Variants in ZBTB40 observed in about 807,000 individuals in gnomAD.
ZBTB40 encodes zinc finger and BTB domain-containing protein 40.
In ZBTB40, 60 loss-of-function variants were observed where a neutral mutation model predicts 117.5. The observed-to-expected ratio is 0.51, with a 90% CI of 0.41 to 0.63. ZBTB40 has a LOEUF of 0.63. Ranked by LOEUF, ZBTB40 falls within the 30% of genes least tolerant of loss-of-function variation. The probability of loss-of-function intolerance (pLI) is 0.00; values close to 1 mark genes in which losing one functional copy is unlikely to be tolerated. For synonymous variants in ZBTB40, 525 were observed against 577.1 expected, an observed-to-expected ratio of 0.91 and a Z score of 1.29; for missense variants, 1,287 against 1,498.5, an observed-to-expected ratio of 0.86 and a Z score of 2.33.
At chr1:22,491,750 C>A (rs750387394) in intron 3 of ZBTB40, among the ~76,000 whole-genome samples, 2 of 151,678 alleles carry the variant, frequency 1.3e-5, no homozygotes, top group Non-Finnish European at 2.9e-5. Context: ...CCAGGAGAAT[C>A]CTAGCTTCTA....
intron 1 of ZBTB40, among the ~76,000 whole-genome samples, chr1:22,439,379 T>C (rs964148507): frequency 1.3e-5 from 2 of 152,246 alleles, no homozygotes; most frequent in South Asian, 2.1e-4. Flanking sequence ...TCTTTTATTG[T>C]CTGTGCCTTT....
In ZBTB40 at chr1:22,524,134, C is replaced by T. The variant is rs1433034448; in HGVS notation, c.3299-84C>T. 7.5e-6 allele frequency: 10 copies of T among 1,335,018 alleles called. No homozygotes were observed. In the East Asian group the frequency reaches 1.9e-4, roughly 26 times the overall value. 82.7% of individuals were successfully genotyped at this position (1,335,018 alleles called of 1,614,324 possible). A position where few individuals can be genotyped will look rare whatever the true frequency, so the allele number is the denominator to read the frequency against. On this transcript the variant is annotated intron_variant, in intron 16 of 17. Transcript: ENST00000375647. Reference sequence around the variant, plus strand: ...GCCTCGATCCTCATTGCTCTTTCCTCTCATGTCTTCCTGCCCTCATTTCTC... The same window carrying T: ...GCCTCGATCCTCATTGCTCTTTCCTTTCATGTCTTCCTGCCCTCATTTCTC...
At chr1:22,522,268 T>C in intron 15 of ZBTB40, 109 bp from the exon 16 acceptor site, 3 of 997,172 alleles carry the variant, frequency 3.0e-6, no homozygotes, top group Non-Finnish European at 4.8e-6. Flanking sequence ...ACTTGGTAGA[T>C]GCTTGCTAAG....
intron 1 of ZBTB40, among the ~76,000 whole-genome samples, chr1:22,465,814 A>G (rs951885898): frequency 1.3e-5 from 2 of 152,136 alleles, no homozygotes; most frequent in African/African-American, 4.8e-5. Flanking sequence ...TGGCTCCCCA[A>G]GAACACAAGG....
At chr1:22,473,438 T>C (rs1641461488) in intron 1 of ZBTB40, among the ~76,000 whole-genome samples, 1 of 152,222 alleles carries the variant, frequency 6.6e-6, no homozygotes, top group Non-Finnish European at 1.5e-5. Flanking sequence ...GGTTTAACTG[T>C]CTTGCTGGCT....
chr1:22,506,439 G>A (rs1483781479), intron 6 of ZBTB40, among the ~76,000 whole-genome samples, 198 bp downstream of exon 6: 4 of 152,154 alleles, frequency 2.6e-5, no homozygotes, highest in East Asian at 1.9e-4. Context: ...GACTCTTCTC[G>A]GTTAAGCTCC....
intron 1 of ZBTB40, among the ~76,000 whole-genome samples, chr1:22,455,548 C>T (rs1012057525): frequency 6.6e-6 from 1 of 152,182 alleles, no homozygotes; most frequent in Non-Finnish European, 1.5e-5. Flanking sequence ...TGTTAAACAA[C>T]AAGCCCTGAA....
chr1:22,496,972 C>T (rs1469571273), intron 3 of ZBTB40, among the ~76,000 whole-genome samples: 1 of 152,150 alleles, frequency 6.6e-6, no homozygotes, highest in Non-Finnish European at 1.5e-5. Flanking sequence ...AGTCTTTTGC[C>T]AAAGGCCGGA....
intron 1 of ZBTB40, among the ~76,000 whole-genome samples, chr1:22,469,246 T>C (rs1641340673): frequency 6.6e-6 from 1 of 152,282 alleles, no homozygotes; most frequent in Non-Finnish European, 1.5e-5. Flanking sequence ...TGATCATTTG[T>C]GAATTTCTTC....
intron 12 of ZBTB40, among the ~76,000 whole-genome samples, chr1:22,516,066 G>C (rs1639365932): frequency 6.6e-6 from 1 of 152,194 alleles, no homozygotes; most frequent in African/African-American, 2.4e-5. Context: ...TGGATTAGAT[G>C]TGGGATGTGA....
chr1:22,476,857 A>G (rs939871152), intron 1 of ZBTB40, among the ~76,000 whole-genome samples: 6 of 152,126 alleles, frequency 3.9e-5, no homozygotes, highest in African/African-American at 1.4e-4. Context: ...TAATAACATA[A>G]TTTAGGTTCC....
At chr1:22,449,354 G>A (rs950904722), upstream of ZBTB40, among the ~76,000 whole-genome samples, 5 of 152,160 alleles carry the variant, frequency 3.3e-5, no homozygotes, top group African/African-American at 4.8e-5. Flanking sequence ...TTATTTCTCC[G>A]CAGCTGTCGA....
intron 1 of ZBTB40, among the ~76,000 whole-genome samples, chr1:22,488,342 G>A (rs1005184953): frequency 4.3e-5 from 6 of 138,756 alleles, no homozygotes; most frequent in Non-Finnish European, 6.7e-5. Context: ...GTCAGTAGGC[G>A]ATAAGTGCTA....
chr1:22,433,442 A>AACAAAAACAAAAAC (rs1557469777), intron 1 of ZBTB40, among the ~76,000 whole-genome samples: 1 of 139,822 alleles, frequency 7.2e-6, no homozygotes, highest in African/African-American at 2.5e-5. Flanking sequence ...CAAAAAAAAA[A>AACAAAAACAAAAAC]AAAAAAAAAA....
At chr1:22,437,311 G>A (rs1640681713) in intron 1 of ZBTB40, among the ~76,000 whole-genome samples, 1 of 152,044 alleles carries the variant, frequency 6.6e-6, no homozygotes, top group African/African-American at 2.4e-5. Flanking sequence ...GGCTCATTGT[G>A]GACAAGTTTG....
At chr1:22,485,209 G>A in intron 1 of ZBTB40, among the ~76,000 whole-genome samples, 1 of 152,168 alleles carries the variant, frequency 6.6e-6, no homozygotes, top group East Asian at 1.9e-4. Context: ...GGAAGAGTTT[G>A]TAGAGAATTG....
chr1:22,489,954 G>A lies in ZBTB40; in HGVS notation c.6G>A (p.Glu2=). 1 of 1,611,054 alleles carries A rather than the reference G, an allele frequency of 6.2e-7. No homozygotes were observed. The highest frequency in any genetic ancestry group is 1.3e-5 in the African/African-American group (1 of 74,998). Residue 2 remains glutamate, a synonymous_variant, in exon 2 of 18, where the codon GAG becomes GAA. Transcript: ENST00000375647. ...CTTGGGGCAGAGTTGACGCAATGGA[G>A]CTCCCCAACTACAGCCGGCAGCTGC... The part of the protein sequence containing the change: M[E]LPNYSRQLLQ...
At chr1:22,496,092 A>T (rs558520343) in intron 3 of ZBTB40, among the ~76,000 whole-genome samples, 47 of 152,374 alleles carry the variant, frequency 3.1e-4, no homozygotes, top group African/African-American at 1.1e-3. Context: ...CATGGAGCTA[A>T]CAAGACCTGC....
chr1:22,522,617 A>AT (rs1157741617), intron 16 of ZBTB40, among the ~76,000 whole-genome samples, 154 bp downstream of exon 16: 1 of 152,202 alleles, frequency 6.6e-6, no homozygotes, highest in Admixed American at 6.5e-5. Flanking sequence ...CACCTGCCTC[A>AT]TAGAGTAGTG....
Sources: gnomAD v4.1 joint callset for allele counts (sites outside exome capture counted in the v4.1 genomes callset) on GRCh38, gnomAD v4.1.1 for gene constraint, MANE v1.5 for transcripts, NCBI Gene and HGNC (gene_info 2026-07-23, HGNC 2026-07-21) for gene names.